Variants in HDAC8 observed in about 807,000 individuals in gnomAD.
HDAC8 encodes histone deacetylase-like 1.
Under a neutral mutation model 32.2 loss-of-function variants are expected in HDAC8, and 1 was observed. The ratio of observed to expected loss-of-function variants is 0.03; its 90% CI spans 0.01 to 0.15. The LOEUF (loss-of-function observed/expected upper bound fraction) is 0.15, where lower values mean the gene tolerates loss of function less well. HDAC8 is among the 10% of genes least tolerant of loss of function. The probability of loss-of-function intolerance (pLI) is 1.00; values close to 1 mark genes in which losing one functional copy is unlikely to be tolerated. For missense variants in HDAC8, 117 were observed against 300.0 expected, an observed-to-expected ratio of 0.39 and a Z score of 4.51; for synonymous variants, 108 against 113.9, an observed-to-expected ratio of 0.95 and a Z score of 0.33.
chrX:72,397,109 C>T (rs2045786009), intron 9 of HDAC8, among the ~76,000 whole-genome samples: 1 of 110,130 alleles, frequency 9.1e-6, no homozygotes, highest in African/African-American at 3.3e-5. Context: ...GGGGAAGTGC[C>T]ACATACTTTC....
At chrX:72,438,020 G>A (rs1297032331) in intron 9 of HDAC8, among the ~76,000 whole-genome samples, 3 of 112,206 alleles carry the variant, frequency 2.7e-5, no homozygotes, top group Non-Finnish European at 3.8e-5. Context: ...CCTCAAGTGG[G>A]TCCCTGACCC....
intron 7 of HDAC8, chrX:72,474,072 A>C (rs2048260272): frequency 1.4e-6 from 1 of 714,944 alleles, no homozygotes; most frequent in Non-Finnish European, 1.7e-6. Context: ...GTATATTCAA[A>C]CTTGACCCAG....
intron 9 of HDAC8, among the ~76,000 whole-genome samples, chrX:72,457,150 A>G (rs1418461820): frequency 8.9e-6 from 1 of 111,900 alleles, no homozygotes; most frequent in Non-Finnish European, 1.9e-5. Context: ...CATTTGACAA[A>G]ATCAGTACTC....
At chrX:72,441,077 T>G (rs2047125060) in intron 9 of HDAC8, among the ~76,000 whole-genome samples, 1 of 113,130 alleles carries the variant, frequency 8.8e-6, no homozygotes, top group Admixed American at 9.3e-5. Context: ...GAGGCCTGCC[T>G]GCCTCTGTAG....
chrX:72,567,646 AG>A (rs1556137330), intron 4 of HDAC8: 1 of 918,303 alleles, frequency 1.1e-6, no homozygotes, highest in Non-Finnish European at 1.6e-6. Context: ...AATCAGTCCA[AG>A]TCAGTTAGCC....
intron 10 of HDAC8, among the ~76,000 whole-genome samples, chrX:72,339,181 A>G (rs1487580229): frequency 3.6e-5 from 4 of 111,363 alleles, no homozygotes; most frequent in African/African-American, 1.3e-4. Context: ...TGAGAATCTT[A>G]GATGGTATGC....
intron 9 of HDAC8, among the ~76,000 whole-genome samples, chrX:72,459,042 C>T (rs1391580151): frequency 1.8e-5 from 2 of 111,669 alleles, no homozygotes; most frequent in African/African-American, 6.5e-5. Flanking sequence ...CCTAGAATGC[C>T]TTTTTCTTCT....
intron 7 of HDAC8, among the ~76,000 whole-genome samples, chrX:72,479,073 T>C (rs2048422571): frequency 8.9e-6 from 1 of 111,966 alleles, no homozygotes; most frequent in African/African-American, 3.2e-5. Context: ...CATCAGGTGC[T>C]GGACACTGGG....
intron 9 of HDAC8, among the ~76,000 whole-genome samples, chrX:72,444,888 A>T (rs1199695599): frequency 1.8e-5 from 2 of 108,394 alleles, no homozygotes; most frequent in African/African-American, 6.7e-5. Flanking sequence ...CTTATACACC[A>T]ATAACAGACA....
chrX:72,560,565 TAAAAAAAAAAAA>T (rs147846647), intron 4 of HDAC8, among the ~76,000 whole-genome samples: 3 of 35,215 alleles, frequency 8.5e-5, no homozygotes, highest in African/African-American at 1.1e-4. Flanking sequence ...CAATAAATAC[TAAAAAAAAAAAA>T]AAAAAAAAAA....
At chrX:72,342,604 A>G (rs1419989366) in intron 10 of HDAC8, among the ~76,000 whole-genome samples, 2 of 112,356 alleles carry the variant, frequency 1.8e-5, no homozygotes, top group African/African-American at 6.5e-5. Context: ...CTGGAGGGAA[A>G]TGAGCAATAC....
At chrX:72,566,873 C>T (rs1556135298) in intron 4 of HDAC8, among the ~76,000 whole-genome samples, 2 of 112,060 alleles carry the variant, frequency 1.8e-5, no homozygotes, top group Non-Finnish European at 3.8e-5. Context: ...TGGCCAGGCG[C>T]GGTGGCTCAC....
chrX:72,362,082 T>C (rs189854990), intron 9 of HDAC8, among the ~76,000 whole-genome samples: 2 of 110,676 alleles, frequency 1.8e-5, no homozygotes, highest in East Asian at 5.7e-4. Flanking sequence ...ACTGATGTAG[T>C]TTGGATGTGT....
intron 10 of HDAC8, among the ~76,000 whole-genome samples, chrX:72,331,642 A>G (rs1036717678): frequency 9.0e-6 from 1 of 111,475 alleles, no homozygotes; most frequent in Non-Finnish European, 1.9e-5. Context: ...CAAAAAAAAA[A>G]TAGTGCAGAG....
At chrX:72,464,308 T>C (rs1426972450) in intron 8 of HDAC8, among the ~76,000 whole-genome samples, 1 of 111,817 alleles carries the variant, frequency 8.9e-6, no homozygotes, top group Non-Finnish European at 1.9e-5. Context: ...AACCAGAGGA[T>C]CTTTGCTTCA....
intron 9 of HDAC8, among the ~76,000 whole-genome samples, chrX:72,441,130 C>T (rs1478964964): frequency 5.3e-5 from 6 of 113,014 alleles, no homozygotes; most frequent in African/African-American, 1.9e-4. Flanking sequence ...AAAAAGATAG[C>T]AGTAACCTCT....
At chrX:72,341,656 A>G (rs1435890785) in intron 10 of HDAC8, among the ~76,000 whole-genome samples, 6 of 111,932 alleles carry the variant, frequency 5.4e-5, no homozygotes, top group African/African-American at 1.9e-4. Context: ...AGCTCATGGC[A>G]GAAATGTGCA....
chrX:72,392,535 C>T (rs1482245948), intron 9 of HDAC8, among the ~76,000 whole-genome samples: 1 of 112,004 alleles, frequency 8.9e-6, no homozygotes, highest in Non-Finnish European at 1.9e-5. Context: ...AAATGGTACC[C>T]TGTATTCAGA....
chrX:72,567,684 C>A, intron 4 of HDAC8: 1 of 1,164,899 alleles, frequency 8.6e-7, no homozygotes, highest in South Asian at 1.8e-5. Flanking sequence ...GTGTAGAGCC[C>A]AGGTGTCCTG....
Sources: allele counts gnomAD v4.1 joint callset (sites outside exome capture counted in the v4.1 genomes callset), GRCh38; gene constraint gnomAD v4.1.1; transcripts MANE v1.5; gene names NCBI Gene and HGNC (gene_info 2026-07-23, HGNC 2026-07-21).